PIGL: variants seen among roughly 807,000 people sequenced by gnomAD.
The protein encoded by PIGL is N-acetylglucosaminyl-phosphatidylinositol de-N-acetylase.
PIGL carries 22 observed loss-of-function variants against 31.1 expected under a neutral mutation model. The observed-to-expected ratio is 0.71, with a 90% CI of 0.51 to 1.01. The LOEUF is 1.01. Ranked by LOEUF, PIGL falls within the 50% of genes least tolerant of loss-of-function variation. The pLI is 0.00. For missense variants in PIGL, 302 were observed against 315.9 expected (o/e 0.96, Z 0.33); for synonymous variants, 131 against 117.4 (o/e 1.12, Z -0.75).
intron 2 of PIGL, among the ~76,000 whole-genome samples, chr17:16,256,639 C>T (rs991853248): frequency 4.6e-5 from 7 of 152,096 alleles, no homozygotes; most frequent in Non-Finnish European, 5.9e-5. Flanking sequence ...CGTGAGCCAC[C>T]GCGCCCAGCC....
chr17:16,221,519 G>GGA, intron 1 of PIGL, among the ~76,000 whole-genome samples: 1 of 150,344 alleles, frequency 6.7e-6, no homozygotes, highest in East Asian at 2.0e-4. Context: ...GCGCAATCTT[G>GGA]GGTCACTGCA....
intron 2 of PIGL, among the ~76,000 whole-genome samples, chr17:16,267,980 A>G (rs2092852351): frequency 6.6e-6 from 1 of 152,214 alleles, no homozygotes; most frequent in South Asian, 2.1e-4. Flanking sequence ...TAAGCAGAAC[A>G]GACTCGTCCC....
intron 1 of PIGL, among the ~76,000 whole-genome samples, chr17:16,232,231 T>A (rs1393729587): frequency 6.6e-6 from 1 of 151,802 alleles, no homozygotes; most frequent in East Asian, 1.9e-4. Flanking sequence ...TGAACTGAGA[T>A]CACACCACTG....
chr17:16,322,294 A>C (rs1282251267), intron 6 of PIGL, among the ~76,000 whole-genome samples: 1 of 150,576 alleles, frequency 6.6e-6, no homozygotes, highest in Non-Finnish European at 1.5e-5. Flanking sequence ...GGGTTTCGCC[A>C]TGTTTGGCCA....
chr17:16,319,818 G>A (rs2093095374), intron 6 of PIGL, among the ~76,000 whole-genome samples: 1 of 151,890 alleles, frequency 6.6e-6, no homozygotes, highest in African/African-American at 2.4e-5. Flanking sequence ...GTGAGGAAGA[G>A]CTAGGCCAGC....
At chr17:16,238,322 T>C (rs2092708259) in intron 2 of PIGL, among the ~76,000 whole-genome samples, 4 of 151,878 alleles carry the variant, frequency 2.6e-5, no homozygotes, top group Admixed American at 2.0e-4. Flanking sequence ...TTATGATGCC[T>C]GCAATTTACT....
At chr17:16,286,137 G>A (rs2092936501) in intron 2 of PIGL, among the ~76,000 whole-genome samples, 1 of 152,230 alleles carries the variant, frequency 6.6e-6, no homozygotes, top group African/African-American at 2.4e-5. Context: ...AGGGGTGGCT[G>A]AACCTTCCGG....
At chr17:16,309,526 G>A (rs562913742) in intron 3 of PIGL, among the ~76,000 whole-genome samples, 1 of 151,830 alleles carries the variant, frequency 6.6e-6, no homozygotes, top group East Asian at 1.9e-4. Flanking sequence ...ACCTTGGGAG[G>A]CCAAGGCGGG....
intron 2 of PIGL, among the ~76,000 whole-genome samples, chr17:16,268,321 G>A (rs535036649): frequency 6.6e-6 from 1 of 152,192 alleles, no homozygotes; most frequent in Admixed American, 6.6e-5. Flanking sequence ...GTGGTGTAAA[G>A]TGAGATATTT....
chr17:16,281,122 G>A (rs920976758), intron 2 of PIGL, among the ~76,000 whole-genome samples: 2 of 152,130 alleles, frequency 1.3e-5, no homozygotes, highest in East Asian at 1.9e-4. Context: ...AAGTTTTCAA[G>A]GAAATAATCA....
chr17:16,240,723 A>T (rs2092719229), intron 2 of PIGL, among the ~76,000 whole-genome samples: 1 of 150,564 alleles, frequency 6.6e-6, no homozygotes, highest in South Asian at 2.1e-4. Context: ...CAGGTCTTGA[A>T]CTCCTGGACT....
At chr17:16,245,612 G>C (rs12150285) in intron 2 of PIGL, among the ~76,000 whole-genome samples, 76,746 of 147,246 alleles carry the variant, frequency 0.52, 20,064 homozygotes, top group Middle Eastern at 0.62. Flanking sequence ...ACCATGTTGG[G>C]CAGGATGGTC....
At chr17:16,290,674 G>A (rs545972382) in intron 2 of PIGL, among the ~76,000 whole-genome samples, 1 of 152,158 alleles carries the variant, frequency 6.6e-6, no homozygotes, top group East Asian at 1.9e-4. Flanking sequence ...ATGAGCTACT[G>A]CGCCCAGCCC....
In PIGL at chr17:16,274,904, C is replaced by T. The variant is rs1053974457; in HGVS notation, c.336-24984C>T. Among the ~76,000 whole-genome samples, 12 of 151,698 alleles carry T rather than the reference C, an allele frequency of 7.9e-5. No individual in the cohort carries two copies. In the South Asian group the frequency reaches 1.7e-3, roughly 21 times the overall value. On this transcript the variant is annotated intron_variant, in intron 2 of 6. Transcript: ENST00000225609. ...AAAATTAGCCGAGTGTGGTGGCTTGCGCCTGTAATCCTAGCTACTCAGGAG... is the reference window on the plus strand; with the variant it reads ...AAAATTAGCCGAGTGTGGTGGCTTGTGCCTGTAATCCTAGCTACTCAGGAG...
intron 2 of PIGL, among the ~76,000 whole-genome samples, chr17:16,298,110 G>A (rs1163365162): frequency 6.6e-6 from 1 of 152,154 alleles, no homozygotes; most frequent in Non-Finnish European, 1.5e-5. Flanking sequence ...CTGGTCCCTG[G>A]TGCCAGAAAG....
intron 1 of PIGL, among the ~76,000 whole-genome samples, chr17:16,231,326 C>T (rs966693377): frequency 6.6e-6 from 1 of 150,872 alleles, no homozygotes; most frequent in Non-Finnish European, 1.5e-5. Flanking sequence ...CCTCAAAATC[C>T]CAGGCTCAAG....
chr17:16,245,871 G>A (rs2142713962), intron 2 of PIGL, among the ~76,000 whole-genome samples: 1 of 151,196 alleles, frequency 6.6e-6, no homozygotes, highest in South Asian at 2.1e-4. Context: ...CCAGGCTGGA[G>A]TGCAGTGGCA....
At chr17:16,283,176 T>C (rs150640232) in intron 2 of PIGL, among the ~76,000 whole-genome samples, 249 of 152,052 alleles carry the variant, frequency 1.6e-3, no homozygotes, top group African/African-American at 5.7e-3. Context: ...CTAATTTTTG[T>C]ATTTTTAGTA....
chr17:16,256,428 C>T (rs2092793799), intron 2 of PIGL, among the ~76,000 whole-genome samples: 1 of 152,138 alleles, frequency 6.6e-6, no homozygotes. Flanking sequence ...ACCTCCACCT[C>T]CCGATTCCTC....
Sources: allele counts gnomAD v4.1 joint callset (sites outside exome capture counted in the v4.1 genomes callset), GRCh38; gene constraint gnomAD v4.1.1; transcripts MANE v1.5; gene names NCBI Gene and HGNC (gene_info 2026-07-23, HGNC 2026-07-21).